Variants in PDLIM1 observed in about 807,000 individuals in gnomAD.
The protein encoded by PDLIM1 is PDZ and LIM domain 1.
PDLIM1 carries 25 observed loss-of-function variants against 35.2 expected under a neutral mutation model. The observed-to-expected ratio is 0.71, with a 90% CI of 0.52 to 0.99. The LOEUF (loss-of-function observed/expected upper bound fraction) is 0.99. PDLIM1 is among the 50% of genes least tolerant of loss of function. The probability of loss-of-function intolerance (pLI) is 0.00; values close to 1 mark genes in which losing one functional copy is unlikely to be tolerated. For missense variants in PDLIM1, 363 were observed against 415.3 expected, an observed-to-expected ratio of 0.87 and a Z score of 1.09; for synonymous variants, 152 against 154.0, an observed-to-expected ratio of 0.99 and a Z score of 0.10.
chr10:95,256,626 T>C (rs561775244), intron 4 of PDLIM1, among the ~76,000 whole-genome samples: 1 of 152,146 alleles, frequency 6.6e-6, no homozygotes, highest in Non-Finnish European at 1.5e-5. Flanking sequence ...TTGGAAAAAC[T>C]GGATATTCAC....
At chr10:95,253,791 C>G (rs1446674650) in intron 4 of PDLIM1, among the ~76,000 whole-genome samples, 1 of 151,998 alleles carries the variant, frequency 6.6e-6, no homozygotes, top group Non-Finnish European at 1.5e-5. Context: ...AAAATTATAA[C>G]ACTGTCTGAT....
intron 4 of PDLIM1, among the ~76,000 whole-genome samples, chr10:95,261,079 T>C (rs1326136798): frequency 1.3e-5 from 2 of 152,144 alleles, no homozygotes; most frequent in Admixed American, 6.5e-5. Context: ...CAAATTTTGA[T>C]ACTCGGCAAC....
At chr10:95,258,793 G>T (rs961021591) in intron 4 of PDLIM1, among the ~76,000 whole-genome samples, 1 of 151,828 alleles carries the variant, frequency 6.6e-6, no homozygotes, top group East Asian at 1.9e-4. Context: ...ACTTAAAAAC[G>T]TTTAAGATCA....
intron 4 of PDLIM1, among the ~76,000 whole-genome samples, chr10:95,251,998 C>T (rs938617773): frequency 2.6e-5 from 4 of 152,150 alleles, no homozygotes; most frequent in African/African-American, 9.7e-5. Flanking sequence ...GACCAAATAA[C>T]CAGAAAGGGG....
intron 4 of PDLIM1, among the ~76,000 whole-genome samples, chr10:95,252,569 C>T (rs983536417): frequency 1.3e-5 from 2 of 152,052 alleles, no homozygotes; most frequent in African/African-American, 4.8e-5. Context: ...TAAAGAGATG[C>T]CAACACCAAG....
At chr10:95,242,978 A>T (rs2035190954) in intron 5 of PDLIM1, among the ~76,000 whole-genome samples, 1 of 150,488 alleles carries the variant, frequency 6.6e-6, no homozygotes, top group Non-Finnish European at 1.5e-5. Flanking sequence ...TTCACATTTC[A>T]CACTTAAAGA....
chr10:95,260,695 T>C lies in PDLIM1; in HGVS notation c.533+3169A>G, dbSNP rs527329735. Among the ~76,000 whole-genome samples the C allele has an allele frequency of 3.3e-5, 5 of 152,296 alleles. No homozygotes were observed. In the South Asian group the frequency reaches 8.3e-4, roughly 25 times the overall value. ...ACACACCACAATACTTTCAAGTGCA[T>C]AGGACAAAGAAATCCAGGGCAAGCC... On this transcript the variant is annotated intron_variant, in intron 4 of 6. Coordinates refer to ENST00000329399, the MANE Select transcript of PDLIM1 (RefSeq NM_020992.4).
At position 95,237,740 on chromosome 10, in the gene PDLIM1, T is replaced by G; in HGVS notation, c.*185A>C. The G allele has an allele frequency of 1.7e-6, 1 of 573,926 alleles. No homozygotes were observed. The highest frequency in any genetic ancestry group is 3.1e-6 in the Non-Finnish European group (1 of 324,398). 35.6% of individuals were successfully genotyped at this position (573,926 alleles called of 1,614,324 possible). The stretch of plus-strand genomic sequence containing the variant: ...CTGAACAAAACAGTTTTCCTTTAAT[T>G]GTAAAAGCGGGCATCGCACAGCTGG... On this transcript the variant is annotated 3_prime_UTR_variant, in exon 7 of 7. Coordinates refer to ENST00000329399, the MANE Select transcript of PDLIM1 (RefSeq NM_020992.4).
At position 95,245,743 on chromosome 10, in the gene PDLIM1, G is replaced by A. The variant is rs540781118; in HGVS notation, c.685+1472C>T. On this transcript the variant is annotated intron_variant, in intron 5 of 6. Coordinates refer to ENST00000329399, the MANE Select transcript of PDLIM1 (RefSeq NM_020992.4). ...AGAACAGTATCATTTTAGCATAAAA[G>A]AAGCACATGCAAACACATGGCCCAT... 2.6e-5 allele frequency among the ~76,000 whole-genome samples: 4 copies of A among 152,310 alleles called. No homozygotes were observed. In the South Asian group the frequency reaches 6.2e-4, roughly 24 times the overall value.
At chr10:95,241,636 C>T (rs924328904) in intron 5 of PDLIM1, among the ~76,000 whole-genome samples, 2 of 152,188 alleles carry the variant, frequency 1.3e-5, no homozygotes, top group African/African-American at 2.4e-5. Flanking sequence ...ACCCTGCTCT[C>T]GATGGAGTAG....
intron 1 of PDLIM1, among the ~76,000 whole-genome samples, chr10:95,289,846 C>T (rs1477898090): frequency 6.6e-6 from 1 of 152,230 alleles, no homozygotes; most frequent in Non-Finnish European, 1.5e-5. Context: ...TTCTCCCTTT[C>T]CTCATTCGAG....
intron 1 of PDLIM1, among the ~76,000 whole-genome samples, chr10:95,281,707 G>A (rs1163132313): frequency 6.6e-6 from 1 of 152,168 alleles, no homozygotes; most frequent in East Asian, 1.9e-4. Flanking sequence ...GGCCAAGGTG[G>A]TCTTGAACTC....
rs1167970567 is a variant in PDLIM1 at position 95,290,840 on chromosome 10, G to A, written c.76C>T (p.Gln26Ter). ...CTTACCCGGGAAATGGCGAGAGGCT[G>A]CTCGAAGTCCTTGCCGCCCACGAGG... ...FRLVGGKDFE[Q>*]PLAISRVTPG... is the part of the protein sequence containing the mutation. Residue 26 changes from glutamine (Q) to a stop codon, truncating the protein, a stop_gained, in exon 1 of 7, where the codon CAG becomes TAG. Coordinates refer to ENST00000329399, the MANE Select transcript of PDLIM1 (RefSeq NM_020992.4). LOFTEE classifies it high-confidence loss of function. The surrounding 1 kb of genome is among the most constrained non-coding windows in gnomAD (Gnocchi z 4.7). The A allele has an allele frequency of 6.4e-6, 10 of 1,564,036 alleles. No individual in the cohort carries two copies. The highest frequency in any genetic ancestry group is 8.7e-6 in the Non-Finnish European group (10 of 1,154,724).
At chr10:95,268,944 T>G in intron 2 of PDLIM1, 82 bp from the exon 3 acceptor site, 1 of 978,656 alleles carries the variant, frequency 1.0e-6, no homozygotes, top group East Asian at 2.5e-5. Flanking sequence ...AAATGCCCCC[T>G]CTTTCCTGGA....
intron 4 of PDLIM1, among the ~76,000 whole-genome samples, chr10:95,249,952 T>C (rs2035253839): frequency 6.6e-6 from 1 of 152,188 alleles, no homozygotes; most frequent in African/African-American, 2.4e-5. Context: ...TGCCCACTCC[T>C]GCTTGGCCTC....
At chr10:95,238,891 G>T in intron 5 of PDLIM1, 1 of 486,058 alleles carries the variant, frequency 2.1e-6, no homozygotes, top group South Asian at 3.2e-5. Flanking sequence ...CCTGGCCAAA[G>T]AAAAGCCCAA....
intron 5 of PDLIM1, among the ~76,000 whole-genome samples, chr10:95,246,564 T>C (rs992818766): frequency 1.3e-5 from 2 of 152,212 alleles, no homozygotes; most frequent in Admixed American, 6.5e-5. Context: ...GTTACGATGA[T>C]GGATGTTTTA....
chr10:95,277,640 A>AAAAATAAAATAAAATAAAATAAAAT (rs45565541), intron 1 of PDLIM1, among the ~76,000 whole-genome samples: 33 of 150,372 alleles, frequency 2.2e-4, no homozygotes, highest in African/African-American at 8.1e-4. Context: ...AAGAATGTCT[A>AAAAATAAAATAAAATAAAATAAAAT]AAAATAAAAT....
intron 2 of PDLIM1, among the ~76,000 whole-genome samples, chr10:95,269,298 G>A (rs1031961372): frequency 1.3e-5 from 2 of 152,172 alleles, no homozygotes; most frequent in Non-Finnish European, 2.9e-5. Flanking sequence ...TTGGCCGGGC[G>A]TGGTGGCTCA....
Sources: gnomAD v4.1 joint callset for allele counts (sites outside exome capture counted in the v4.1 genomes callset) on GRCh38, gnomAD v4.1.1 for gene constraint, Gnocchi (gnomAD v3.1) non-coding constraint, MANE v1.5 for transcripts, NCBI Gene and HGNC (gene_info 2026-07-23, HGNC 2026-07-21) for gene names.